RNF157: variants seen among roughly 807,000 people sequenced by gnomAD.
The protein encoded by RNF157 is ring finger protein 157.
RNF157 carries 55 observed loss-of-function variants against 88.3 expected under a neutral mutation model. The ratio of observed to expected loss-of-function variants is 0.62; its 90% confidence interval spans 0.50 to 0.78. The LOEUF (loss-of-function observed/expected upper bound fraction) is 0.78. Among genes scored for constraint, RNF157 ranks in the 30% least tolerant of loss-of-function variants. The pLI is 0.00. For missense variants in RNF157, 788 were observed against 860.8 expected (o/e 0.92, Z 1.06); for synonymous variants, 334 against 341.2 (o/e 0.98, Z 0.23).
intron 2 of RNF157, among the ~76,000 whole-genome samples, chr17:76,180,947 G>A (rs1012153272): frequency 2.0e-5 from 3 of 152,122 alleles, no homozygotes; most frequent in African/African-American, 7.2e-5. Flanking sequence ...GTATGCTGGA[G>A]GACAGTCCAA....
Position 76,154,290 on chromosome 17 carries a change from CGTGG to C in RNF157, c.1799_1802del (p.Pro600ArgfsTer11), listed in dbSNP as rs1464234934. On this transcript the variant is annotated frameshift_variant, in exon 17 of 19. Transcript: ENST00000269391. LOFTEE classifies it high-confidence loss of function. ...GACCAGATCTTTTACCACCTTCCTG[CGTGG>C]GTGATCCATCCTCTTCCTCTATAAC... 1 of 1,609,918 alleles carries C rather than the reference CGTGG, an allele frequency of 6.2e-7. No homozygotes were observed. The highest frequency in any genetic ancestry group is 8.5e-7 in the Non-Finnish European group (1 of 1,176,290).
intron 8 of RNF157, 135 bp from the exon 9 acceptor site, chr17:76,162,758 A>G: frequency 1.8e-6 from 1 of 548,326 alleles, no homozygotes; most frequent in South Asian, 2.8e-5. Context: ...AAAGGCCTGG[A>G]TAAGTAAAAG....
At chr17:76,219,325 A>G (rs1178657815) in intron 1 of RNF157, among the ~76,000 whole-genome samples, 1 of 151,928 alleles carries the variant, frequency 6.6e-6, no homozygotes, top group East Asian at 1.9e-4. Flanking sequence ...ATATTTATAT[A>G]CATATAAATA....
chr17:76,233,914 T>C lies in RNF157; in HGVS notation c.88+6239A>G, dbSNP rs368701822. Among the ~76,000 whole-genome samples, 16 of 152,354 alleles carry C rather than the reference T, an allele frequency of 1.1e-4. No individual in the cohort carries two copies. The East Asian group carries it at 2.9e-3, about 27-fold the overall frequency. On this transcript the variant is annotated intron_variant, in intron 1 of 18. Transcript: ENST00000269391. ...TTAGTGTGTACAATCCAATGGTTTT[T>C]AGTATATTGACCGTGTTATACAACT...
intron 2 of RNF157, among the ~76,000 whole-genome samples, chr17:76,210,868 A>G (rs1440754343): frequency 6.6e-6 from 1 of 152,012 alleles, no homozygotes; most frequent in African/African-American, 2.4e-5. Context: ...GCACTGGGGC[A>G]ACCTCAGCTC....
rs941659402 is a variant in RNF157 at position 76,146,979 on chromosome 17, C to T, written c.1922-1626G>A. On this transcript the variant is annotated intron_variant, in intron 18 of 18. Coordinates refer to ENST00000269391, the MANE Select transcript of RNF157 (RefSeq NM_052916.3). This position sits in a 1 kb window ranked among gnomAD's most constrained non-coding sequence, Gnocchi z 4.2. ...TCAATGCCTTGGTGTGCTAATCCACCTCAGGCTCTAGTAACAGTCTCTGGT... is the reference window on the plus strand; with the variant it reads ...TCAATGCCTTGGTGTGCTAATCCACTTCAGGCTCTAGTAACAGTCTCTGGT... 1.3e-5 allele frequency: 13 copies of T among 985,274 alleles called. No individual in the cohort carries two copies. In the Admixed American group the frequency reaches 1.8e-4, roughly 14 times the overall value. The allele number at this position is 985,274 out of a possible 1,614,324, so 61.0% of individuals were successfully genotyped here.
chr17:76,213,966 T>C (rs997760809), intron 1 of RNF157, among the ~76,000 whole-genome samples: 2 of 152,166 alleles, frequency 1.3e-5, no homozygotes, highest in African/African-American at 4.8e-5. Flanking sequence ...TGTATCTCTC[T>C]CTGTATCCTT....
intron 2 of RNF157, among the ~76,000 whole-genome samples, chr17:76,203,452 CTTTT>C (rs35848509): frequency 7.2e-6 from 1 of 138,494 alleles, no homozygotes; most frequent in African/African-American, 2.7e-5. Context: ...AAAGTAAAAA[CTTTT>C]TTTTTTTTTT....
intron 2 of RNF157, among the ~76,000 whole-genome samples, chr17:76,194,687 A>T (rs1381966881): frequency 6.6e-6 from 1 of 152,196 alleles, no homozygotes. Flanking sequence ...AAACAATAGT[A>T]AAGAGATTTA....
At chr17:76,205,994 C>T (rs538433616) in intron 2 of RNF157, among the ~76,000 whole-genome samples, 1 of 152,240 alleles carries the variant, frequency 6.6e-6, no homozygotes, top group African/African-American at 2.4e-5. Flanking sequence ...CTCTCAGAGG[C>T]CAAGACAGGA....
At chr17:76,210,410 G>T (rs1008372565) in intron 2 of RNF157, among the ~76,000 whole-genome samples, 1 of 151,544 alleles carries the variant, frequency 6.6e-6, no homozygotes, top group Non-Finnish European at 1.5e-5. Context: ...CTAACACAGT[G>T]AAACCCCGTC....
intron 2 of RNF157, among the ~76,000 whole-genome samples, chr17:76,183,129 G>A (rs1389925347): frequency 6.6e-6 from 1 of 151,132 alleles, no homozygotes; most frequent in Non-Finnish European, 1.5e-5. Flanking sequence ...TAGAGATAGG[G>A]TTTCTCCATG....
intron 1 of RNF157, among the ~76,000 whole-genome samples, chr17:76,216,995 A>G (rs2069900483): frequency 6.6e-6 from 1 of 152,252 alleles, no homozygotes; most frequent in Admixed American, 6.5e-5. Flanking sequence ...TCTCAAAATT[A>G]CAAAGTTGGC....
intron 1 of RNF157, among the ~76,000 whole-genome samples, chr17:76,239,120 C>A (rs1022545478): frequency 1.3e-5 from 2 of 152,222 alleles, no homozygotes; most frequent in Non-Finnish European, 2.9e-5. Flanking sequence ...TCACCAAAAT[C>A]TCCATCGGGT....
chr17:76,150,380 TC>T (rs1244544888), intron 18 of RNF157, among the ~76,000 whole-genome samples: 2 of 152,068 alleles, frequency 1.3e-5, no homozygotes, highest in African/African-American at 4.8e-5. Context: ...CTCACTCTCC[TC>T]CCATGATTCC....
At chr17:76,153,818 T>C (rs879942425) in intron 17 of RNF157, 1 of 156,194 alleles carries the variant, frequency 6.4e-6, no homozygotes, top group Admixed American at 6.4e-5. Context: ...AGTCCTCTTT[T>C]ACAGTAATGT....
intron 1 of RNF157, among the ~76,000 whole-genome samples, chr17:76,227,403 G>T (rs1044838970): frequency 6.6e-6 from 1 of 151,982 alleles, no homozygotes; most frequent in African/African-American, 2.4e-5. Context: ...TTACAGGCGT[G>T]AGTCACTGCG....
At chr17:76,232,829 A>G (rs1218458145) in intron 1 of RNF157, among the ~76,000 whole-genome samples, 1 of 152,178 alleles carries the variant, frequency 6.6e-6, no homozygotes, top group African/African-American at 2.4e-5. Flanking sequence ...AGTTTTAATT[A>G]TATTTCCCTA....
Position 76,152,451 on chromosome 17 carries a change from C to T in RNF157, c.1825G>A (p.Ala609Thr), listed in dbSNP as rs537147365. 24 of 1,611,812 alleles carry T rather than the reference C, an allele frequency of 1.5e-5. No homozygotes were observed. The Admixed American group carries it at 1.8e-4, about 12-fold the overall frequency. ...TTGTCACACTCCATACCTAGAAATG[C>T]GCACGTCCTCTGGCCTGTAACGGAG... ...SPTQEGQRTCAFLGMECDNNN... is the reference protein window; with the variant it reads ...SPTQEGQRTCTFLGMECDNNN... The change falls in exon 18 of 19, where the codon GCA (alanine) becomes ACA (threonine). Residue 609 changes from alanine to threonine, a missense_variant. Ala to Thr is a moderately conservative substitution (Grantham distance 58). Transcript: ENST00000269391.
Sources: gnomAD v4.1 joint callset for allele counts (sites outside exome capture counted in the v4.1 genomes callset) on GRCh38, gnomAD v4.1.1 for gene constraint, Gnocchi (gnomAD v3.1) non-coding constraint, MANE v1.5 for transcripts, NCBI Gene and HGNC (gene_info 2026-07-23, HGNC 2026-07-21) for gene names.